Variants in WWOX observed in about 807,000 individuals in gnomAD.
The protein encoded by WWOX is WW domain-containing oxidoreductase.
Under a neutral mutation model 46.2 loss-of-function variants are expected in WWOX, and 69 were observed. The ratio of observed to expected loss-of-function variants is 1.49; its 90% CI spans 1.23 to 1.82. The LOEUF (loss-of-function observed/expected upper bound fraction) is 1.82, where lower values mean the gene tolerates loss of function less well. WWOX is among the 40% of genes most tolerant of loss of function. WWOX has a pLI of 0.00. For synonymous variants in WWOX, 359 were observed against 202.6 expected (o/e 1.77, Z -6.56); for missense variants, 919 against 542.6 (o/e 1.69, Z -6.89).
intron 8 of WWOX, among the ~76,000 whole-genome samples, chr16:78,452,682 G>T (rs1233080121): frequency 6.6e-6 from 1 of 151,622 alleles, no homozygotes; most frequent in Non-Finnish European, 1.5e-5. Flanking sequence ...TACCATGTTG[G>T]CCAGGCTGGT....
At chr16:78,137,032 C>T (rs2033817063) in intron 4 of WWOX, among the ~76,000 whole-genome samples, 1 of 152,138 alleles carries the variant, frequency 6.6e-6, no homozygotes, top group South Asian at 2.1e-4. Flanking sequence ...CTGGAATTAC[C>T]ATTCACATAC....
intron 8 of WWOX, among the ~76,000 whole-genome samples, chr16:79,132,780 T>G (rs1272417955): frequency 1.3e-5 from 2 of 152,242 alleles, no homozygotes; most frequent in South Asian, 2.1e-4. Flanking sequence ...TTGAATATGC[T>G]TGTACTGATG....
At chr16:79,182,392 C>T (rs2050930054) in intron 8 of WWOX, among the ~76,000 whole-genome samples, 1 of 152,126 alleles carries the variant, frequency 6.6e-6, no homozygotes, top group South Asian at 2.1e-4. Flanking sequence ...TCGATATTCA[C>T]ATCTATATTT....
At chr16:78,695,239 T>G (rs2048073784) in intron 8 of WWOX, among the ~76,000 whole-genome samples, 1 of 152,144 alleles carries the variant, frequency 6.6e-6, no homozygotes, top group Admixed American at 6.6e-5. Flanking sequence ...TTATTATTAT[T>G]ATTATTGTGT....
rs570947939 is a variant in WWOX at position 78,658,658 on chromosome 16, A to G, written c.1056+225906A>G. 1.2e-3 allele frequency among the ~76,000 whole-genome samples: 180 copies of G among 152,216 alleles called. 1 individual carries two copies. Among genetic ancestry groups the G allele is most frequent in the African/African-American group, 4.2e-3 (174 of 41,528 alleles). On this transcript the variant is annotated intron_variant, in intron 8 of 8. Transcript: ENST00000566780. ...AACCCCAGTCTCCGCCTCCGCCTTC[A>G]CATGGCCATCTTCACTCTCTGTCTT...
chr16:79,086,515 A>C (rs1202392532), intron 8 of WWOX, among the ~76,000 whole-genome samples: 1 of 152,210 alleles, frequency 6.6e-6, no homozygotes, highest in Non-Finnish European at 1.5e-5. Flanking sequence ...GTACAGTACT[A>C]TCCAAATTCT....
chr16:78,343,897 C>T (rs1175831332), intron 5 of WWOX, among the ~76,000 whole-genome samples: 1 of 120,156 alleles, frequency 8.3e-6, no homozygotes, highest in African/African-American at 2.8e-5. Context: ...ACAATGATGA[C>T]AATGACGATG....
At chr16:78,630,680 C>A (rs569792116) in intron 8 of WWOX, among the ~76,000 whole-genome samples, 2 of 152,176 alleles carry the variant, frequency 1.3e-5, no homozygotes, top group African/African-American at 4.8e-5. Flanking sequence ...TGCCTTGCAT[C>A]CTTTTGCTGT....
chr16:78,541,343 G>A (rs1280170328), intron 8 of WWOX, among the ~76,000 whole-genome samples: 2 of 150,446 alleles, frequency 1.3e-5, no homozygotes, highest in South Asian at 2.1e-4. Flanking sequence ...GCGTAGTGGC[G>A]GGCACCTGTA....
intron 8 of WWOX, among the ~76,000 whole-genome samples, chr16:78,436,955 A>C (rs1479968833): frequency 6.6e-6 from 1 of 152,178 alleles, no homozygotes; most frequent in Admixed American, 6.5e-5. Flanking sequence ...CCGTAGGTAA[A>C]GGCTGGGTTT....
intron 5 of WWOX, among the ~76,000 whole-genome samples, chr16:78,257,061 G>A (rs752532754): frequency 2.0e-5 from 3 of 152,072 alleles, no homozygotes; most frequent in Non-Finnish European, 4.4e-5. Flanking sequence ...GCAATCAGAA[G>A]GAATGGGGTC....
chr16:78,288,240 C>T (rs2079802109), intron 5 of WWOX, among the ~76,000 whole-genome samples: 1 of 147,744 alleles, frequency 6.8e-6, no homozygotes, highest in Non-Finnish European at 1.5e-5. Flanking sequence ...TGGCAGGAGA[C>T]AGTGTGATGA....
intron 8 of WWOX, among the ~76,000 whole-genome samples, chr16:78,667,082 T>G (rs954264964): frequency 2.0e-5 from 3 of 152,226 alleles, no homozygotes; most frequent in African/African-American, 7.2e-5. Flanking sequence ...ATCGGATCTT[T>G]GTGTACTTGC....
chr16:79,104,415 T>G (rs112771896), intron 8 of WWOX, among the ~76,000 whole-genome samples: 9 of 152,270 alleles, frequency 5.9e-5, no homozygotes, highest in African/African-American at 1.7e-4. Flanking sequence ...CCATTAACAT[T>G]TTGCTATAAT....
At chr16:78,323,293 A>C (rs568215746) in intron 5 of WWOX, among the ~76,000 whole-genome samples, 25 of 151,910 alleles carry the variant, frequency 1.6e-4, no homozygotes, top group South Asian at 4.2e-4. Flanking sequence ...TTTTAGTAGA[A>C]ACGGGGTTTC....
intron 8 of WWOX, among the ~76,000 whole-genome samples, chr16:78,588,294 TG>T (rs1567663805): frequency 1.3e-5 from 2 of 152,188 alleles, no homozygotes; most frequent in Non-Finnish European, 2.9e-5. Flanking sequence ...TCATAGGTTT[TG>T]GGTGCGGATA....
intron 8 of WWOX, among the ~76,000 whole-genome samples, chr16:78,894,495 G>GGC (rs772602452): frequency 1.3e-5 from 2 of 152,188 alleles, no homozygotes; most frequent in Non-Finnish European, 2.9e-5. Flanking sequence ...TGGAAACACA[G>GGC]GCTTGAGTTT....
At chr16:78,445,573 C>G (rs1352045539) in intron 8 of WWOX, among the ~76,000 whole-genome samples, 1 of 152,104 alleles carries the variant, frequency 6.6e-6, no homozygotes, top group Non-Finnish European at 1.5e-5. Context: ...AATTCATCTT[C>G]ACAGAAAGAA....
intron 8 of WWOX, among the ~76,000 whole-genome samples, chr16:78,673,296 G>C (rs925991482): frequency 6.6e-6 from 1 of 152,188 alleles, no homozygotes; most frequent in Non-Finnish European, 1.5e-5. Context: ...GCCTTAGAGA[G>C]AGGATGCCCT....
Sources: gnomAD v4.1 joint callset for allele counts (sites outside exome capture counted in the v4.1 genomes callset) on GRCh38, gnomAD v4.1.1 for gene constraint, MANE v1.5 for transcripts, NCBI Gene and HGNC (gene_info 2026-07-23, HGNC 2026-07-21) for gene names.